SLIT3: variants seen among roughly 807,000 people sequenced by gnomAD.
SLIT3 encodes slit guidance ligand 3.
A neutral mutation model predicts 184.0 loss-of-function variants in SLIT3; 68 were observed. The observed-to-expected ratio is 0.37, with a 90% CI of 0.30 to 0.45. The LOEUF (loss-of-function observed/expected upper bound fraction) is 0.45. Among genes scored for constraint, SLIT3 ranks in the 20% least tolerant of loss-of-function variants. The pLI is 1.00. For missense variants in SLIT3, 1,707 were observed against 2,026.0 expected (o/e 0.84, Z 3.02); for synonymous variants, 831 against 828.6 (o/e 1.00, Z -0.05).
intron 4 of SLIT3, among the ~76,000 whole-genome samples, chr5:169,142,880 T>C (rs916782735): frequency 3.3e-5 from 5 of 152,178 alleles, no homozygotes; most frequent in African/African-American, 1.2e-4. Context: ...TGGAGATTGT[T>C]CAAATTGGAG....
chr5:168,997,426 T>C (rs1356563612), intron 4 of SLIT3, among the ~76,000 whole-genome samples: 1 of 152,060 alleles, frequency 6.6e-6, no homozygotes, highest in Non-Finnish European at 1.5e-5. Flanking sequence ...AGTCCTATTG[T>C]GAAAGAATAG....
chr5:168,947,593 G>C (rs1057505663), intron 4 of SLIT3, among the ~76,000 whole-genome samples: 1 of 152,152 alleles, frequency 6.6e-6, no homozygotes, highest in Non-Finnish European at 1.5e-5. Context: ...CTGGGTCCTG[G>C]CTGACAGAGG....
At chr5:169,060,777 T>C (rs1321276762) in intron 4 of SLIT3, among the ~76,000 whole-genome samples, 1 of 152,144 alleles carries the variant, frequency 6.6e-6, no homozygotes, top group Non-Finnish European at 1.5e-5. Flanking sequence ...TTGGGCTGAG[T>C]GGAGCAGTGT....
chr5:168,926,830 C>T (rs547704364), intron 4 of SLIT3, among the ~76,000 whole-genome samples: 4 of 152,114 alleles, frequency 2.6e-5, no homozygotes, highest in East Asian at 1.9e-4. Flanking sequence ...CACAATGAGA[C>T]ATCAACTCAC....
intron 25 of SLIT3, chr5:168,708,554 A>G: frequency 5.5e-6 from 1 of 181,244 alleles, no homozygotes; most frequent in Non-Finnish European, 1.2e-5. Context: ...AAAGGCACAC[A>G]GAGGAAGTCC....
chr5:168,722,185 G>A, intron 23 of SLIT3, 71 bp downstream of exon 23: 2 of 1,352,354 alleles, frequency 1.5e-6, no homozygotes, highest in Non-Finnish European at 1.1e-6. Flanking sequence ...GTGGGGAAGG[G>A]GAGTGCTTAG....
intron 4 of SLIT3, among the ~76,000 whole-genome samples, chr5:168,920,969 G>A (rs1761618388): frequency 6.6e-6 from 1 of 152,054 alleles, no homozygotes; most frequent in African/African-American, 2.4e-5. Context: ...TTACTATCAT[G>A]ACACATTGCT....
At chr5:168,696,538 T>C in intron 27 of SLIT3, 107 bp from the exon 28 acceptor site, 1 of 1,354,094 alleles carries the variant, frequency 7.4e-7, no homozygotes, top group Non-Finnish European at 1.0e-6. Context: ...TAGTTTTTCC[T>C]CCAGATGGAG....
Position 168,741,478 on chromosome 5 carries a change from C to CAAAAAAA in SLIT3, c.2270+6817_2270+6823dup, listed in dbSNP as rs3061744. On this transcript the variant is annotated intron_variant, in intron 20 of 35. Coordinates refer to ENST00000519560, the MANE Select transcript of SLIT3 (RefSeq NM_003062.4). Reference sequence around the variant, plus strand: ...TGGGCGACAGAGCAAGACTCGGTCTCAAAAAAAAAAAAAAAAAAGAAGACA... The same window carrying CAAAAAAA: ...TGGGCGACAGAGCAAGACTCGGTCTCAAAAAAAAAAAAAAAAAAAAAAAAAGAAGACA... Among the ~76,000 whole-genome samples the CAAAAAAA allele has an allele frequency of 5.5e-3, 447 of 81,562 alleles. 38 individuals carry two copies. Among genetic ancestry groups the CAAAAAAA allele is most frequent in the African/African-American group, 0.02 (390 of 19,448 alleles). The allele number at this position is 81,562 out of a possible 152,430, so 53.5% of individuals were successfully genotyped here.
At position 169,008,657 on chromosome 5, in the gene SLIT3, G is replaced by T. The variant is rs75422236; in HGVS notation, c.414-125321C>A. Among the ~76,000 whole-genome samples the T allele has an allele frequency of 3.4e-4, 51 of 151,366 alleles. 1 individual carries two copies. The South Asian group carries it at 6.8e-3, about 20-fold the overall frequency. On this transcript the variant is annotated intron_variant, in intron 4 of 35. Transcript: ENST00000519560. ...TTTTGTTGTTGCTGCTGCTGTTGTT[G>T]TTTTTTTTTAACTTTTTAATAAAAA...
chr5:169,243,419 A>G (rs1561761679), intron 3 of SLIT3, among the ~76,000 whole-genome samples: 1 of 152,240 alleles, frequency 6.6e-6, no homozygotes, highest in Non-Finnish European at 1.5e-5. Flanking sequence ...GTAAACAGAG[A>G]CAACATTCAT....
chr5:168,733,183 A>G (rs892423621), intron 20 of SLIT3, among the ~76,000 whole-genome samples: 3 of 152,208 alleles, frequency 2.0e-5, no homozygotes, highest in African/African-American at 7.2e-5. Context: ...CAAACATATG[A>G]AAAATGCTCA....
chr5:168,969,600 G>T (rs886403724), intron 4 of SLIT3, among the ~76,000 whole-genome samples: 3 of 152,190 alleles, frequency 2.0e-5, no homozygotes, highest in African/African-American at 7.2e-5. Context: ...AAAGCAACCG[G>T]ATGGGGCTGC....
chr5:168,669,628 C>A (rs148409567), intron 35 of SLIT3, among the ~76,000 whole-genome samples, 155 bp downstream of exon 35: 31 of 152,274 alleles, frequency 2.0e-4, no homozygotes, highest in African/African-American at 6.7e-4. Context: ...GTATTGCCTC[C>A]GTTTTCAAGT....
intron 4 of SLIT3, among the ~76,000 whole-genome samples, chr5:168,940,314 T>C (rs1453860065): frequency 6.6e-6 from 1 of 152,220 alleles, no homozygotes; most frequent in Non-Finnish European, 1.5e-5. Flanking sequence ...GAATGCCAGA[T>C]GTCACTAGTT....
chr5:169,125,228 A>C lies in SLIT3; in HGVS notation c.413+68251T>G, dbSNP rs1190557505. On this transcript the variant is annotated intron_variant, in intron 4 of 35. Transcript: ENST00000519560. ...ATGCCCAGCTAATTTTTGTATTTTT[A>C]GTAGAGATGGGGTTTCACCATGTTG... 2.6e-5 allele frequency among the ~76,000 whole-genome samples: 4 copies of C among 152,050 alleles called. No homozygotes were observed. The East Asian group carries it at 7.8e-4, about 30-fold the overall frequency.
intron 14 of SLIT3, 131 bp from the exon 15 acceptor site, chr5:168,762,820 C>A (rs2288795): frequency 2.4e-6 from 2 of 847,386 alleles, no homozygotes; most frequent in African/African-American, 3.3e-5. Flanking sequence ...GTAACAGACA[C>A]GGCATCGCCT....
At chr5:168,754,050 A>C in intron 16 of SLIT3, 43 bp from the exon 17 acceptor site, 1 of 1,524,510 alleles carries the variant, frequency 6.6e-7, no homozygotes. Flanking sequence ...AAAGGAGCAG[A>C]TGGTCTTGAT....
At chr5:169,047,568 A>G (rs1757669432) in intron 4 of SLIT3, among the ~76,000 whole-genome samples, 1 of 71,400 alleles carries the variant, frequency 1.4e-5, no homozygotes, top group Non-Finnish European at 2.4e-5. Context: ...CCATCTGGAG[A>G]CCTAGATGGA....
Sources: gnomAD v4.1 joint callset for allele counts (sites outside exome capture counted in the v4.1 genomes callset) on GRCh38, gnomAD v4.1.1 for gene constraint, MANE v1.5 for transcripts, NCBI Gene and HGNC (gene_info 2026-07-23, HGNC 2026-07-21) for gene names.